The following NEK5 variants were observed in gnomAD, a reference collection of about 807,000 sequenced individuals.
The protein encoded by NEK5 is serine/threonine-protein kinase Nek5.
In NEK5, 88 loss-of-function variants were observed where a neutral mutation model predicts 109.2. The observed-to-expected ratio is 0.81, with a 90% CI of 0.68 to 0.96. The LOEUF is 0.96. Among genes scored for constraint, NEK5 ranks in the 40% least tolerant of loss-of-function variants. The probability of loss-of-function intolerance (pLI) is 0.00; values close to 1 mark genes in which losing one functional copy is unlikely to be tolerated. For missense variants in NEK5, 834 were observed against 920.7 expected (o/e 0.91, Z 1.22); for synonymous variants, 283 against 299.9 (o/e 0.94, Z 0.58).
At chr13:52,052,758 T>C (rs950330540) in intron 22 of NEK5, among the ~76,000 whole-genome samples, 1 of 152,206 alleles carries the variant, frequency 6.6e-6, no homozygotes, top group Non-Finnish European at 1.5e-5. Flanking sequence ...ATTTTTAAGA[T>C]GGGAAAGGCA....
At chr13:52,038,698 A>G (rs947835774) in intron 23 of NEK5, among the ~76,000 whole-genome samples, 16 of 151,870 alleles carry the variant, frequency 1.1e-4, no homozygotes, top group African/African-American at 3.6e-4. Context: ...CAGCCTCCCA[A>G]AGTGCTGGGA....
At chr13:52,080,072 C>A (rs1246832169) in intron 17 of NEK5, among the ~76,000 whole-genome samples, 145 of 151,916 alleles carry the variant, frequency 9.5e-4, no homozygotes, top group African/African-American at 3.3e-3. Context: ...GGCAGCCGCC[C>A]GGTCTGAGAA....
intron 5 of NEK5, among the ~76,000 whole-genome samples, chr13:52,111,553 C>T (rs1349640423): frequency 1.3e-5 from 2 of 152,108 alleles, no homozygotes; most frequent in African/African-American, 4.8e-5. Flanking sequence ...GCATGATGCT[C>T]TTACATGCTA....
At position 52,102,156 on chromosome 13, in the gene NEK5, G is replaced by A. The variant is rs1165026681; in HGVS notation, c.746C>T (p.Ser249Phe). Reference protein sequence around the residue: ...LFQVSPRDRPSINSILKRPFL... With the variant: ...LFQVSPRDRPFINSILKRPFL... ...GGGCCTTTTCAAAATGGAATTTATG[G>A]ATGGTCGGTCTCGAGGAGATACTTG... The change falls in exon 10 of 24, where the codon TCC (serine) becomes TTC (phenylalanine). Residue 249 changes from serine (S) to phenylalanine (F), a missense_variant. Coordinates refer to ENST00000684899, the MANE Select transcript of NEK5 (RefSeq NM_001365552.1). 6.2e-7 allele frequency: 1 copy of A among 1,613,844 alleles called. No individual in the cohort carries two copies. The highest frequency in any genetic ancestry group is 8.5e-7 in the Non-Finnish European group (1 of 1,179,862).
intron 9 of NEK5, 53 bp from the exon 10 acceptor site, chr13:52,102,345 C>A (rs984019419): frequency 7.3e-7 from 1 of 1,364,936 alleles, no homozygotes; most frequent in Non-Finnish European, 1.0e-6. Flanking sequence ...ACTAAAGTAA[C>A]AAATAATAAA....
chr13:52,117,309 A>T (rs1594000481), intron 4 of NEK5, among the ~76,000 whole-genome samples: 1 of 151,986 alleles, frequency 6.6e-6, no homozygotes, highest in Admixed American at 6.6e-5. Context: ...CTTTACCTAC[A>T]CTCTCTAAAA....
rs978385225 is a variant in NEK5, at chr13:52,034,285, G to C, written c.*2663C>G. 6.6e-6 allele frequency: 1 copy of C among 152,174 alleles called. No homozygotes were observed. Among genetic ancestry groups the C allele is most frequent in the African/African-American group, 2.4e-5 (1 of 41,440 alleles). 9.4% of individuals were successfully genotyped at this position (152,174 alleles called of 1,614,324 possible). A position where few individuals can be genotyped will look rare whatever the true frequency, so the allele number is the denominator to read the frequency against. ...AATCAGAGCCATGCCTCAGGAACAC[G>C]ATTTAGCTAATAGTGTGTGTAAAAT... On this transcript the variant is annotated 3_prime_UTR_variant, in exon 24 of 24. Transcript: ENST00000684899.
At position 52,119,422 on chromosome 13, in the gene NEK5, T is replaced by G. The variant is rs1955927952; in HGVS notation, c.118-7A>C. ...CTTTTTCTTGTATGGGCATCTAAAT[T>G]ACATTAAGAGACAGAGTAGTCTATA... On this transcript the variant is annotated splice_region_variant and splice_polypyrimidine_tract_variant and intron_variant, in intron 3 of 23. Transcript: ENST00000684899. 1.4e-6 allele frequency: 2 copies of G among 1,469,594 alleles called. No homozygotes were observed. Among genetic ancestry groups the G allele is most frequent in the African/African-American group, 2.8e-5 (2 of 72,246 alleles). 91.0% of individuals were successfully genotyped at this position (1,469,594 alleles called of 1,614,324 possible). A position where few individuals can be genotyped will look rare whatever the true frequency, so the allele number is the denominator to read the frequency against.
intron 22 of NEK5, among the ~76,000 whole-genome samples, chr13:52,060,883 G>T (rs904799400): frequency 9.2e-5 from 14 of 151,862 alleles, no homozygotes; most frequent in African/African-American, 3.4e-4. Context: ...TTTATTTTTA[G>T]AGACAAGTTC....
Position 52,093,150 on chromosome 13 carries a change from C to G in NEK5, c.1112G>C (p.Arg371Thr), listed in dbSNP as rs1955328000. The change falls in exon 13 of 24, where the codon AGA becomes ACA. Residue 371 changes from arginine (R) to threonine (T), a missense_variant. Physicochemically the swap from Arg to Thr is moderately conservative, Grantham distance 71. Transcript: ENST00000684899. ...AGGGTGATAACTTGGTTTGTGGGCT[C>G]TCCTCCTCAGCATATCAAGTTGAGC... ...YYAQLDMLRR[R>T]AHKPSYHPIP... 6.2e-7 allele frequency: 1 copy of G among 1,613,120 alleles called. No homozygotes were observed. Among genetic ancestry groups the G allele is most frequent in the African/African-American group, 1.3e-5 (1 of 74,854 alleles).
intron 16 of NEK5, among the ~76,000 whole-genome samples, chr13:52,085,912 C>A (rs182221611): frequency 3.3e-5 from 5 of 152,154 alleles, no homozygotes; most frequent in African/African-American, 4.8e-5. Context: ...TTTTTTCCCA[C>A]CTTCTGGGCA....
intron 3 of NEK5, among the ~76,000 whole-genome samples, chr13:52,124,041 G>A (rs1331559867): frequency 2.6e-5 from 4 of 152,150 alleles, no homozygotes; most frequent in Non-Finnish European, 5.9e-5. Flanking sequence ...CAGGCACAGT[G>A]GCTAACACCT....
intron 20 of NEK5, among the ~76,000 whole-genome samples, chr13:52,068,788 G>A (rs1468146809): frequency 1.3e-5 from 2 of 152,028 alleles, no homozygotes; most frequent in Admixed American, 1.3e-4. Context: ...TGGCAAACAT[G>A]GTGAAACCTC....
Position 52,127,587 on chromosome 13 carries a change from G to T in NEK5, c.-23+8C>A. The stretch of plus-strand genomic sequence containing the variant: ...GAAAACTGATGACTAAAGTGTAAAA[G>T]AACTCACTTAGCTAAAACTTTCCTC... On this transcript the variant is annotated splice_region_variant and intron_variant, in intron 2 of 23. Coordinates refer to ENST00000684899, the MANE Select transcript of NEK5 (RefSeq NM_001365552.1). The T allele has an allele frequency of 2.8e-6, 2 of 705,234 alleles. No individual in the cohort carries two copies. Among genetic ancestry groups the T allele is most frequent in the Non-Finnish European group, 5.0e-6 (2 of 397,504 alleles). 43.7% of individuals were successfully genotyped at this position (705,234 alleles called of 1,614,324 possible). A position where few individuals can be genotyped will look rare whatever the true frequency, so the allele number is the denominator to read the frequency against.
At chr13:52,084,218 T>G (rs192268810) in intron 16 of NEK5, among the ~76,000 whole-genome samples, 1 of 152,226 alleles carries the variant, frequency 6.6e-6, no homozygotes, top group South Asian at 2.1e-4. Flanking sequence ...CCAGAAAGAA[T>G]AGTGGTTATA....
chr13:52,045,963 C>CAGG lies in NEK5; in HGVS notation c.2228+4138_2228+4140dup, dbSNP rs566282522. On this transcript the variant is annotated intron_variant, in intron 23 of 23. Coordinates refer to ENST00000684899, the MANE Select transcript of NEK5 (RefSeq NM_001365552.1). ...GTGTGCGCCTGTAATCCCAGCTACTCAGGAGGCTGAGACAGGAGAATCGCT... is the reference window on the plus strand; with the variant it reads ...GTGTGCGCCTGTAATCCCAGCTACTCAGGAGGAGGCTGAGACAGGAGAATCGCT... Among the ~76,000 whole-genome samples, 18 of 149,570 alleles carry CAGG rather than the reference C, an allele frequency of 1.2e-4. No homozygotes were observed. The South Asian group carries it at 2.5e-3, about 21-fold the overall frequency.
At chr13:52,040,606 G>C (rs1006081016) in intron 23 of NEK5, among the ~76,000 whole-genome samples, 1 of 152,016 alleles carries the variant, frequency 6.6e-6, no homozygotes, top group Admixed American at 6.6e-5. Flanking sequence ...GTCTTCCTAA[G>C]ATAATTATAT....
intron 5 of NEK5, among the ~76,000 whole-genome samples, chr13:52,111,077 A>G (rs1955749936): frequency 2.0e-5 from 3 of 152,190 alleles, no homozygotes; most frequent in African/African-American, 7.2e-5. Flanking sequence ...TATATCTAAT[A>G]TAAAACCAAC....
chr13:52,119,172 G>C (rs1358538600), intron 4 of NEK5, 147 bp downstream of exon 4: 8 of 423,108 alleles, frequency 1.9e-5, no homozygotes, highest in African/African-American at 1.4e-4. Flanking sequence ...AAATAACGAG[G>C]ACGTCTCAAG....
Sources: allele counts gnomAD v4.1 joint callset (sites outside exome capture counted in the v4.1 genomes callset), GRCh38; gene constraint gnomAD v4.1.1; transcripts MANE v1.5; gene names NCBI Gene and HGNC (gene_info 2026-07-23, HGNC 2026-07-21).